HMBOX1: variants seen among roughly 807,000 people sequenced by gnomAD.
The protein encoded by HMBOX1 is homeobox-containing protein 1.
In HMBOX1, 14 loss-of-function variants were observed where a neutral mutation model predicts 54.5. That is an observed-to-expected ratio of 0.26 (90% CI 0.17 to 0.40). The LOEUF (loss-of-function observed/expected upper bound fraction) is 0.40. Ranked by LOEUF, HMBOX1 falls within the 10% of genes least tolerant of loss-of-function variation. HMBOX1 has a pLI of 1.00. For missense variants in HMBOX1, 332 were observed against 514.4 expected (o/e 0.65, Z 3.43); for synonymous variants, 160 against 181.0 (o/e 0.88, Z 0.93).
chr8:28,913,010 T>C (rs1248908979), intron 1 of HMBOX1, among the ~76,000 whole-genome samples: 2 of 152,218 alleles, frequency 1.3e-5, no homozygotes, highest in African/African-American at 4.8e-5. Flanking sequence ...TCTTACTTCC[T>C]TCATGTTAAC....
At chr8:29,013,200 A>G (rs939786585) in intron 5 of HMBOX1, among the ~76,000 whole-genome samples, 1 of 152,166 alleles carries the variant, frequency 6.6e-6, no homozygotes, top group Non-Finnish European at 1.5e-5. Context: ...CAGTGGCGCA[A>G]TCTTGGCTCA....
intron 1 of HMBOX1, among the ~76,000 whole-genome samples, chr8:28,916,838 A>G (rs1816657151): frequency 6.6e-6 from 1 of 152,016 alleles, no homozygotes; most frequent in South Asian, 2.1e-4. Flanking sequence ...TTAGGCAGAC[A>G]TGGGAGGATA....
chr8:29,005,725 G>A (rs1833354646), intron 4 of HMBOX1, among the ~76,000 whole-genome samples: 1 of 152,138 alleles, frequency 6.6e-6, no homozygotes. Flanking sequence ...CTCCCAGGCA[G>A]AAACCTTCTC....
At chr8:29,017,669 C>A (rs1835231043) in intron 5 of HMBOX1, among the ~76,000 whole-genome samples, 1 of 152,034 alleles carries the variant, frequency 6.6e-6, no homozygotes, top group South Asian at 2.1e-4. Flanking sequence ...GGAAAGACTG[C>A]AGGACAATAG....
intron 7 of HMBOX1, 82 bp downstream of exon 7, chr8:29,045,525 G>A (rs1805446778): frequency 9.3e-7 from 1 of 1,072,198 alleles, no homozygotes; most frequent in Non-Finnish European, 1.4e-6. Flanking sequence ...TTAATCTTAT[G>A]CGTGCCTTGG....
At chr8:29,042,866 A>G (rs903073288) in intron 6 of HMBOX1, 7 of 349,570 alleles carry the variant, frequency 2.0e-5, no homozygotes, top group Admixed American at 1.8e-4. Flanking sequence ...TTTGTAACTG[A>G]TGGGTGGGGG....
intron 1 of HMBOX1, among the ~76,000 whole-genome samples, chr8:28,901,779 C>G (rs564449465): frequency 6.6e-6 from 1 of 152,244 alleles, no homozygotes; most frequent in East Asian, 1.9e-4. Flanking sequence ...GTCTTATTTT[C>G]TTATTCCAGA....
Position 29,007,458 on chromosome 8 carries a change from T to C in HMBOX1, c.587-1614T>C, listed in dbSNP as rs2132816320. ...TTTAGTCCACTGGAAAACTGCTGTG[T>C]GAATTATTTGAGAATATAATCACTT... On this transcript the variant is annotated intron_variant, in intron 4 of 9. Transcript: ENST00000287701. 2.0e-5 allele frequency among the ~76,000 whole-genome samples: 3 copies of C among 152,332 alleles called. No homozygotes were observed. The Middle Eastern group carries it at 0.01, about 518-fold the overall frequency.
At chr8:29,002,994 C>G (rs1832866776) in intron 4 of HMBOX1, among the ~76,000 whole-genome samples, 1 of 151,532 alleles carries the variant, frequency 6.6e-6, no homozygotes, top group Non-Finnish European at 1.5e-5. Flanking sequence ...GTCAGACTTT[C>G]AAAACAGTTT....
intron 1 of HMBOX1, among the ~76,000 whole-genome samples, chr8:28,934,361 G>T (rs1430183956): frequency 6.6e-6 from 1 of 152,202 alleles, no homozygotes; most frequent in Non-Finnish European, 1.5e-5. Flanking sequence ...GATTGTACTT[G>T]ATGGTCAAAG....
intron 2 of HMBOX1, 86 bp downstream of exon 2, chr8:28,963,976 C>T: frequency 9.3e-7 from 1 of 1,070,810 alleles, no homozygotes; most frequent in Non-Finnish European, 1.4e-6. Context: ...CCAGATTTGA[C>T]AACAGACGTT....
intron 9 of HMBOX1, 56 bp from the exon 10 acceptor site, chr8:29,050,960 CTG>C: frequency 6.4e-7 from 1 of 1,566,900 alleles, no homozygotes. Context: ...GCATGTCTCT[CTG>C]TGACTAAAGA....
intron 5 of HMBOX1, chr8:29,009,521 CTCTT>C (rs1230882324): frequency 2.3e-5 from 11 of 470,372 alleles, no homozygotes; most frequent in Non-Finnish European, 2.8e-5. Context: ...GATTCCGTAT[CTCTT>C]TTTTTTTTTT....
At chr8:28,947,787 C>T (rs929820674) in intron 1 of HMBOX1, among the ~76,000 whole-genome samples, 3 of 152,158 alleles carry the variant, frequency 2.0e-5, no homozygotes, top group African/African-American at 7.2e-5. Context: ...CCCCTGATTT[C>T]ATGTTCTCAC....
intron 1 of HMBOX1, among the ~76,000 whole-genome samples, chr8:28,953,956 G>A (rs1823964214): frequency 6.6e-6 from 1 of 152,154 alleles, no homozygotes; most frequent in Non-Finnish European, 1.5e-5. Context: ...AGGATTCACA[G>A]GAAACTGGTA....
chr8:29,016,389 T>C (rs2132951299), intron 5 of HMBOX1, among the ~76,000 whole-genome samples: 1 of 152,344 alleles, frequency 6.6e-6, no homozygotes, highest in East Asian at 1.9e-4. Context: ...AGGGAAATTT[T>C]TTGCTGCCAA....
intron 2 of HMBOX1, among the ~76,000 whole-genome samples, chr8:28,967,464 A>C (rs1209607218): frequency 6.6e-6 from 1 of 152,204 alleles, no homozygotes. Context: ...AAATTCATAC[A>C]ATTTACTTTT....
intron 4 of HMBOX1, among the ~76,000 whole-genome samples, chr8:28,984,846 T>C (rs1000842356): frequency 6.6e-6 from 1 of 152,174 alleles, no homozygotes; most frequent in African/African-American, 2.4e-5. Flanking sequence ...TGGGCAGAGC[T>C]TGATCAGCGC....
At chr8:28,940,655 A>T (rs948093879) in intron 1 of HMBOX1, among the ~76,000 whole-genome samples, 16 of 152,228 alleles carry the variant, frequency 1.1e-4, no homozygotes, top group Admixed American at 1.0e-3. Flanking sequence ...TGGACAAGCA[A>T]TGGACCAGGA....
Sources: allele counts gnomAD v4.1 joint callset (sites outside exome capture counted in the v4.1 genomes callset), GRCh38; gene constraint gnomAD v4.1.1; transcripts MANE v1.5; gene names NCBI Gene and HGNC (gene_info 2026-07-23, HGNC 2026-07-21).